Variants in CPNE4 observed in about 807,000 individuals in gnomAD.
CPNE4 encodes copine 4, also known as copine-4.
CPNE4 carries 25 observed loss-of-function variants against 67.9 expected under a neutral mutation model. That is an observed-to-expected ratio of 0.37 (90% CI 0.27 to 0.51). The LOEUF is 0.51. Ranked by LOEUF, CPNE4 falls within the 20% of genes least tolerant of loss-of-function variation. The pLI is 0.93. For synonymous variants in CPNE4, 242 were observed against 244.9 expected, an observed-to-expected ratio of 0.99 and a Z score of 0.11; for missense variants, 464 against 690.8, an observed-to-expected ratio of 0.67 and a Z score of 3.68.
intron 2 of CPNE4, among the ~76,000 whole-genome samples, chr3:131,821,071 A>T (rs1321480871): frequency 6.6e-6 from 1 of 152,106 alleles, no homozygotes; most frequent in African/African-American, 2.4e-5. Flanking sequence ...TAATCAACAC[A>T]TGTCTCATAT....
chr3:131,967,739 C>G (rs2072391758), intron 1 of CPNE4, among the ~76,000 whole-genome samples: 1 of 152,162 alleles, frequency 6.6e-6, no homozygotes, highest in African/African-American at 2.4e-5. Flanking sequence ...ATTCCATGCT[C>G]ATAGACCGGA....
At chr3:131,988,591 A>C (rs1919989) in intron 1 of CPNE4, among the ~76,000 whole-genome samples, 142,813 of 152,160 alleles carry the variant, frequency 0.94, 67,147 homozygotes, top group African/African-American at 0.98. Context: ...GATTGACTAC[A>C]AAGGAGTCAA....
intron 2 of CPNE4, among the ~76,000 whole-genome samples, chr3:131,847,789 A>T (rs1045925287): frequency 6.6e-6 from 1 of 152,066 alleles, no homozygotes; most frequent in Non-Finnish European, 1.5e-5. Context: ...TGGGAGGATG[A>T]GGAAGCTTGA....
intron 3 of CPNE4, among the ~76,000 whole-genome samples, chr3:131,707,221 G>A (rs2081435083): frequency 6.6e-6 from 1 of 152,148 alleles, no homozygotes. Flanking sequence ...TGAAATCAAG[G>A]TATTGGCAGA....
intron 1 of CPNE4, among the ~76,000 whole-genome samples, chr3:131,952,253 C>T (rs1259735479): frequency 6.6e-5 from 10 of 151,556 alleles, no homozygotes; most frequent in African/African-American, 2.2e-4. Flanking sequence ...TGCCCGGCCG[C>T]GAACCCGTAT....
rs372459106 is a variant in CPNE4, at chr3:131,535,267, A to G, written c.1602T>C (p.Tyr534=). The G allele has an allele frequency of 6.2e-7, 1 of 1,613,838 alleles. No individual in the cohort carries two copies. The highest frequency in any genetic ancestry group is 1.3e-5 in the African/African-American group (1 of 74,932). The change falls in exon 16 of 16, where the codon TAT becomes TAC. Residue 534 remains tyrosine, a synonymous_variant. Coordinates refer to ENST00000429747, the MANE Select transcript of CPNE4 (RefSeq NM_130808.3). ...LAEVPNQVVD[Y]YNGKGIKPKC... ...TTGGTTTAATTCCTTTGCCATTGTA[A>G]TAGTCCACAACTTGGTTTGGGACTT...
chr3:131,919,225 T>C (rs1365374251), intron 1 of CPNE4, among the ~76,000 whole-genome samples: 4 of 152,200 alleles, frequency 2.6e-5, no homozygotes, highest in African/African-American at 9.6e-5. Context: ...CTCCACTTAA[T>C]CTGTCCACTG....
intron 7 of CPNE4, among the ~76,000 whole-genome samples, chr3:131,666,326 C>T (rs1165336212): frequency 6.6e-6 from 1 of 151,930 alleles, no homozygotes; most frequent in Non-Finnish European, 1.5e-5. Flanking sequence ...ATGAACCTGA[C>T]TGTTCCATGG....
At chr3:131,666,653 T>C (rs1427494213) in intron 7 of CPNE4, among the ~76,000 whole-genome samples, 1 of 152,140 alleles carries the variant, frequency 6.6e-6, no homozygotes, top group Non-Finnish European at 1.5e-5. Context: ...AAAAAATCCA[T>C]AAATTGTTAA....
At chr3:131,556,992 G>C (rs1164700047) in intron 11 of CPNE4, among the ~76,000 whole-genome samples, 1 of 152,056 alleles carries the variant, frequency 6.6e-6, no homozygotes, top group Non-Finnish European at 1.5e-5. Flanking sequence ...AGGCTAAGTG[G>C]CCTATGGTGA....
rs575434371 is a variant in CPNE4 at position 131,881,239 on chromosome 3, T to G, written c.180+24025A>C. On this transcript the variant is annotated intron_variant, in intron 2 of 15. Coordinates refer to ENST00000429747, the MANE Select transcript of CPNE4 (RefSeq NM_130808.3). ...CTGGTTAAAATGAGTGATTGCTGCTTCTTTACCAATTATACCTTTAGCTTT... is the reference window on the plus strand; with the variant it reads ...CTGGTTAAAATGAGTGATTGCTGCTGCTTTACCAATTATACCTTTAGCTTT... 2.0e-5 allele frequency among the ~76,000 whole-genome samples: 3 copies of G among 152,316 alleles called. No homozygotes were observed. In the East Asian group the frequency reaches 5.8e-4, roughly 29 times the overall value.
intron 2 of CPNE4, among the ~76,000 whole-genome samples, chr3:131,893,569 G>A (rs1466904912): frequency 6.6e-6 from 1 of 151,392 alleles, no homozygotes; most frequent in Admixed American, 6.6e-5. Context: ...TATATCACAT[G>A]TTAGGCCATA....
intron 7 of CPNE4, among the ~76,000 whole-genome samples, chr3:131,659,931 A>G (rs1333964371): frequency 1.3e-5 from 2 of 152,138 alleles, no homozygotes; most frequent in Non-Finnish European, 2.9e-5. Flanking sequence ...GTTCAAAGTC[A>G]TGTTAACAGG....
At chr3:131,966,296 C>T (rs1164711345) in intron 1 of CPNE4, among the ~76,000 whole-genome samples, 1 of 152,092 alleles carries the variant, frequency 6.6e-6, no homozygotes, top group East Asian at 1.9e-4. Context: ...AACACCCTAA[C>T]ATCATAATTA....
Position 131,535,038 on chromosome 3 carries a change from C to CA in CPNE4, c.*156dup, listed in dbSNP as rs5852629. ...GATCCAGGCCTCAGGGCTACACATGCAAAAAAAATTGTCAGATAGTTAAAA... is the reference window on the plus strand; with the variant it reads ...GATCCAGGCCTCAGGGCTACACATGCAAAAAAAAATTGTCAGATAGTTAAAA... On this transcript the variant is annotated 3_prime_UTR_variant, in exon 16 of 16. Coordinates refer to ENST00000429747, the MANE Select transcript of CPNE4 (RefSeq NM_130808.3). 139,833 of 673,978 alleles carry CA rather than the reference C, an allele frequency of 0.21. 15,504 individuals are homozygous for CA. Among genetic ancestry groups the CA allele is most frequent in the East Asian group, 0.44 (13,983 of 31,962 alleles). The allele number at this position is 673,978 out of a possible 1,614,324, so 41.7% of individuals were successfully genotyped here. A position where few individuals can be genotyped will look rare whatever the true frequency, so the allele number is the denominator to read the frequency against.
chr3:132,023,870 G>A (rs190321129), intron 1 of CPNE4, among the ~76,000 whole-genome samples: 1 of 152,242 alleles, frequency 6.6e-6, no homozygotes, highest in Admixed American at 6.5e-5. Context: ...TAAAACAAAT[G>A]TTTAGGAGGA....
intron 1 of CPNE4, among the ~76,000 whole-genome samples, chr3:131,920,382 G>T (rs1363321589): frequency 6.6e-6 from 1 of 151,936 alleles, no homozygotes; most frequent in Non-Finnish European, 1.5e-5. Flanking sequence ...TCCTTAATTT[G>T]TGTTCCTACA....
intron 10 of CPNE4, among the ~76,000 whole-genome samples, chr3:131,566,160 T>A (rs6791407): frequency 0.34 from 50,968 of 151,710 alleles, 12,395 homozygotes; most frequent in African/African-American, 0.69. Flanking sequence ...TATTCCAATA[T>A]AAAATGCAGG....
At chr3:131,726,375 A>G (rs2081998886) in intron 2 of CPNE4, among the ~76,000 whole-genome samples, 1 of 152,218 alleles carries the variant, frequency 6.6e-6, no homozygotes, top group African/African-American at 2.4e-5. Flanking sequence ...ACAAGATGGA[A>G]AGACATTAAG....
Sources: allele counts gnomAD v4.1 joint callset (sites outside exome capture counted in the v4.1 genomes callset), GRCh38; gene constraint gnomAD v4.1.1; transcripts MANE v1.5; gene names NCBI Gene and HGNC (gene_info 2026-07-23, HGNC 2026-07-21).